The following CDYL variants were observed in gnomAD, a reference collection of about 807,000 sequenced individuals.
The protein encoded by CDYL is chromodomain Y-like protein.
CDYL carries 8 observed loss-of-function variants against 47.3 expected under a neutral mutation model. The observed-to-expected ratio is 0.17, with a 90% CI of 0.10 to 0.31. The LOEUF (loss-of-function observed/expected upper bound fraction) is 0.31, where lower values mean the gene tolerates loss of function less well. CDYL is among the 10% of genes least tolerant of loss of function. The probability of loss-of-function intolerance (pLI) is 1.00; values close to 1 mark genes in which losing one functional copy is unlikely to be tolerated. For missense variants in CDYL, 471 were observed against 701.4 expected, an observed-to-expected ratio of 0.67 and a Z score of 3.71; for synonymous variants, 266 against 265.0, an observed-to-expected ratio of 1.00 and a Z score of -0.04.
chr6:4,782,306 T>A (rs1189727011), intron 1 of CDYL, among the ~76,000 whole-genome samples: 2 of 152,206 alleles, frequency 1.3e-5, no homozygotes, highest in Non-Finnish European at 2.9e-5. Context: ...TGGTCATTAT[T>A]TTCCACAGCT....
Position 4,718,300 on chromosome 6 carries a change from G to A in CDYL, c.103+2419G>A, listed in dbSNP as rs1020164458. Among the ~76,000 whole-genome samples, 5 of 151,924 alleles carry A rather than the reference G, an allele frequency of 3.3e-5. No homozygotes were observed. The East Asian group carries it at 9.6e-4, about 29-fold the overall frequency. ...GGTGGTTTTTTTCTGTTTTTCGTTT[G>A]TTTGGTTGTTTTTTGTTGCCCAAGC... On this transcript the variant is annotated intron_variant, in intron 2 of 8. Coordinates refer to the CDYL transcript ENST00000328908.
chr6:4,939,190 C>G (rs1758289955), intron 4 of CDYL, among the ~76,000 whole-genome samples: 1 of 152,198 alleles, frequency 6.6e-6, no homozygotes, highest in Admixed American at 6.5e-5. Context: ...TTGATAGTTA[C>G]TAGGCTCCAG....
chr6:4,811,281 A>G (rs747747745), intron 1 of CDYL, among the ~76,000 whole-genome samples: 1 of 152,256 alleles, frequency 6.6e-6, no homozygotes, highest in Non-Finnish European at 1.5e-5. Context: ...AGATAGAACT[A>G]GCAGTTGTTT....
rs1758047862 is a variant in CDYL at position 4,754,615 on chromosome 6, A to G, written c.186+19771A>G. Among the ~76,000 whole-genome samples, 4 of 152,332 alleles carry G rather than the reference A, an allele frequency of 2.6e-5. No homozygotes were observed. In the South Asian group the frequency reaches 8.3e-4, roughly 32 times the overall value. On this transcript the variant is annotated intron_variant, in intron 3 of 8. Coordinates refer to the CDYL transcript ENST00000328908. ...AGGAATATCTGAATATTAAAGAGCT[A>G]TTTCCCAACAGCTTTTATTCCTATT...
At chr6:4,799,232 T>C (rs1043019020) in intron 1 of CDYL, among the ~76,000 whole-genome samples, 2 of 152,198 alleles carry the variant, frequency 1.3e-5, no homozygotes, top group African/African-American at 4.8e-5. Context: ...TGTTTTATTG[T>C]TGATTTTGAA....
At chr6:4,905,641 C>G (rs561325706) in intron 2 of CDYL, among the ~76,000 whole-genome samples, 5 of 152,164 alleles carry the variant, frequency 3.3e-5, no homozygotes, top group Non-Finnish European at 5.9e-5. Context: ...GGGTCAGAGC[C>G]GAAGGGCCAT....
chr6:4,725,674 G>A (rs575946237), intron 2 of CDYL, among the ~76,000 whole-genome samples: 1 of 152,296 alleles, frequency 6.6e-6, no homozygotes, highest in South Asian at 2.1e-4. Context: ...CCCCGGTTCC[G>A]CCCGCGCCTC....
upstream of CDYL, among the ~76,000 whole-genome samples, chr6:4,775,958 T>A (rs1367542847): frequency 1.3e-5 from 2 of 149,162 alleles, no homozygotes; most frequent in African/African-American, 4.9e-5. This position sits in a 1 kb window ranked among gnomAD's most constrained non-coding sequence, Gnocchi z 7.0. Context: ...CTCGCTCGCA[T>A]GGTTCCCTGC....
At chr6:4,899,691 T>G (rs1756959792) in intron 2 of CDYL, among the ~76,000 whole-genome samples, 1 of 152,372 alleles carries the variant, frequency 6.6e-6, no homozygotes, top group East Asian at 1.9e-4. Context: ...GAGTTCTTTC[T>G]GCATCTGTTG....
Position 4,955,442 on chromosome 6 carries a change from C to G in CDYL, c.*1386C>G, listed in dbSNP as rs764088144. On this transcript the variant is annotated 3_prime_UTR_variant, in exon 7 of 7. Coordinates refer to ENST00000397588, the MANE Select transcript of CDYL (RefSeq NM_004824.4). ...CATCTGTGGGACCTACCTTTTCGTT[C>G]AGTAGTTTGAACTATATATAAACTG... 1 of 152,546 alleles carries G rather than the reference C, an allele frequency of 6.6e-6. No individual in the cohort carries two copies. Among genetic ancestry groups the G allele is most frequent in the Non-Finnish European group, 1.5e-5 (1 of 68,044 alleles). The allele number at this position is 152,546 out of a possible 1,614,324, so 9.4% of individuals were successfully genotyped here.
intron 1 of CDYL, among the ~76,000 whole-genome samples, chr6:4,802,000 C>T (rs528982313): frequency 1.3e-5 from 2 of 152,276 alleles, no homozygotes; most frequent in South Asian, 2.1e-4. Context: ...TATTCTAGTG[C>T]TGTCAGAGTG....
At chr6:4,764,609 A>T (rs2127423939) in intron 3 of CDYL, among the ~76,000 whole-genome samples, 1 of 152,338 alleles carries the variant, frequency 6.6e-6, no homozygotes, top group South Asian at 2.1e-4. Context: ...TCTTAATATC[A>T]AAGTAGACAA....
At chr6:4,925,930 C>T (rs549843846) in intron 2 of CDYL, among the ~76,000 whole-genome samples, 1 of 152,294 alleles carries the variant, frequency 6.6e-6, no homozygotes, top group African/African-American at 2.4e-5. Context: ...TGTACTAGAA[C>T]TATGCGCTTC....
At chr6:4,829,727 T>C (rs1371706108) in intron 1 of CDYL, among the ~76,000 whole-genome samples, 1 of 152,130 alleles carries the variant, frequency 6.6e-6, no homozygotes, top group African/African-American at 2.4e-5. Context: ...TTTTCTGGCT[T>C]AAGGGCCCAA....
chr6:4,842,381 T>C (rs1167522671), intron 1 of CDYL, among the ~76,000 whole-genome samples: 5 of 151,602 alleles, frequency 3.3e-5, no homozygotes, highest in African/African-American at 1.2e-4. Context: ...CCCCACTATA[T>C]ATTATTATTG....
At chr6:4,727,676 G>C (rs1372448491) in intron 2 of CDYL, among the ~76,000 whole-genome samples, 5 of 136,006 alleles carry the variant, frequency 3.7e-5, no homozygotes, top group Non-Finnish European at 7.6e-5. Flanking sequence ...GAGTAGATAT[G>C]GATTCTGTTT....
At chr6:4,794,544 A>G (rs1391028259) in intron 1 of CDYL, among the ~76,000 whole-genome samples, 3 of 152,076 alleles carry the variant, frequency 2.0e-5, no homozygotes, top group Non-Finnish European at 4.4e-5. Context: ...AGACAGAGGA[A>G]TGATGGTAGT....
intron 2 of CDYL, among the ~76,000 whole-genome samples, chr6:4,716,638 T>A (rs1396945800): frequency 6.8e-6 from 1 of 147,226 alleles, no homozygotes; most frequent in Non-Finnish European, 1.5e-5. Flanking sequence ...AAGGGATGCC[T>A]GAATTCTTGA....
intron 1 of CDYL, among the ~76,000 whole-genome samples, chr6:4,875,490 C>A (rs1018100194): frequency 1.3e-5 from 2 of 152,078 alleles, no homozygotes; most frequent in East Asian, 3.8e-4. Context: ...TTTGTCTCAG[C>A]CATGTTTTGC....
Sources: gnomAD v4.1 joint callset for allele counts (sites outside exome capture counted in the v4.1 genomes callset) on GRCh38, gnomAD v4.1.1 for gene constraint, Gnocchi (gnomAD v3.1) non-coding constraint, MANE v1.5 for transcripts, NCBI Gene and HGNC (gene_info 2026-07-23, HGNC 2026-07-21) for gene names.